Variants in GABRG2 observed in about 807,000 individuals in gnomAD.
GABRG2 encodes the protein gamma-aminobutyric acid type A receptor subunit gamma2, also known as gamma-aminobutyric acid receptor subunit gamma-2.
In GABRG2, 16 loss-of-function variants were observed where a neutral mutation model predicts 56.4. The observed-to-expected ratio is 0.28, with a 90% CI of 0.19 to 0.43. The LOEUF (loss-of-function observed/expected upper bound fraction) is 0.43. Ranked by LOEUF, GABRG2 falls within the 20% of genes least tolerant of loss-of-function variation. The pLI is 1.00. For missense variants in GABRG2, 327 were observed against 582.7 expected, an observed-to-expected ratio of 0.56 and a Z score of 4.52; for synonymous variants, 208 against 205.5, an observed-to-expected ratio of 1.01 and a Z score of -0.10.
At chr5:162,135,352 C>G (rs1396596086) in intron 6 of GABRG2, among the ~76,000 whole-genome samples, 1 of 152,054 alleles carries the variant, frequency 6.6e-6, no homozygotes, top group Non-Finnish European at 1.5e-5. Flanking sequence ...ATCTTAAAAG[C>G]CAATGTTGAT....
intron 1 of GABRG2, among the ~76,000 whole-genome samples, chr5:162,090,027 T>A (rs550721795): frequency 1.3e-5 from 2 of 152,194 alleles, no homozygotes; most frequent in Non-Finnish European, 2.9e-5. Context: ...ATGCAGTATT[T>A]GTTGTGTTTT....
intron 6 of GABRG2, among the ~76,000 whole-genome samples, chr5:162,114,298 T>C (rs975835262): frequency 1.3e-5 from 2 of 152,130 alleles, no homozygotes; most frequent in Non-Finnish European, 1.5e-5. Context: ...AGTTACTGTT[T>C]TCATATTTTG....
At chr5:162,130,822 A>T (rs973246169) in intron 6 of GABRG2, among the ~76,000 whole-genome samples, 13 of 151,948 alleles carry the variant, frequency 8.6e-5, no homozygotes, top group Non-Finnish European at 2.9e-5. Flanking sequence ...CTCAAGAGAG[A>T]TGTGGATGTG....
At chr5:162,111,525 G>A (rs1762253332) in intron 6 of GABRG2, among the ~76,000 whole-genome samples, 1 of 152,118 alleles carries the variant, frequency 6.6e-6, no homozygotes, top group African/African-American at 2.4e-5. Flanking sequence ...GCGAGAACTA[G>A]TTGCATATTC....
intron 6 of GABRG2, among the ~76,000 whole-genome samples, chr5:162,111,998 A>G (rs553773161): frequency 7.2e-5 from 11 of 152,284 alleles, no homozygotes; most frequent in African/African-American, 2.4e-4. Context: ...TTTTCATAAA[A>G]GTTATTTACT....
chr5:162,120,295 T>A (rs1217537022), intron 6 of GABRG2, among the ~76,000 whole-genome samples: 1 of 152,170 alleles, frequency 6.6e-6, no homozygotes. Context: ...AGTCATTTGA[T>A]GTTGTGTCCA....
intron 3 of GABRG2, among the ~76,000 whole-genome samples, chr5:162,095,818 G>A (rs767940430): frequency 6.4e-4 from 97 of 151,964 alleles, no homozygotes; most frequent in Non-Finnish European, 1.3e-3. Flanking sequence ...TCAACAATCG[G>A]TGTTTACTTG....
chr5:162,135,520 A>G (rs1403053245), intron 6 of GABRG2, among the ~76,000 whole-genome samples: 1 of 152,162 alleles, frequency 6.6e-6, no homozygotes, highest in East Asian at 1.9e-4. Context: ...AGTGAGCAAA[A>G]TAGCTAGAGC....
At chr5:162,103,069 T>G in intron 5 of GABRG2, 1 of 154,232 alleles carries the variant, frequency 6.5e-6, no homozygotes, top group Non-Finnish European at 1.4e-5. Flanking sequence ...ATTCTGCAGT[T>G]GACTTCATAA....
intron 4 of GABRG2, chr5:162,099,887 A>G (rs570232501): frequency 2.0e-5 from 3 of 152,214 alleles, no homozygotes; most frequent in Non-Finnish European, 2.9e-5. Flanking sequence ...AGACATTTAG[A>G]TCTGTATCTA....
chr5:162,153,979 G>A lies in GABRG2; in HGVS notation c.*611G>A, dbSNP rs1765552987. The stretch of plus-strand genomic sequence containing the variant: ...TCTTTAGATCCAAAATAAATGGACT[G>A]AAGTTATCATCCTATTGTCTTTTAT... On this transcript the variant is annotated 3_prime_UTR_variant, in exon 10 of 10. Coordinates refer to ENST00000639213, the MANE Select transcript of GABRG2 (RefSeq NM_198904.4). 6.5e-6 allele frequency: 1 copy of A among 153,956 alleles called. No homozygotes were observed. Among genetic ancestry groups the A allele is most frequent in the Non-Finnish European group, 1.4e-5 (1 of 69,028 alleles). The allele number at this position is 153,956 out of a possible 1,614,324, so 9.5% of individuals were successfully genotyped here.
chr5:162,121,763 A>T (rs1219578984), intron 6 of GABRG2, among the ~76,000 whole-genome samples: 1 of 152,034 alleles, frequency 6.6e-6, no homozygotes, highest in East Asian at 1.9e-4. Flanking sequence ...TAGAAGAAAG[A>T]TCATGAAGTG....
intron 6 of GABRG2, among the ~76,000 whole-genome samples, chr5:162,126,856 G>A (rs1427454212): frequency 6.6e-6 from 1 of 151,932 alleles, no homozygotes; most frequent in African/African-American, 2.4e-5. Context: ...TTTGCAATCT[G>A]GAACTCTCTT....
chr5:162,139,759 C>G (rs189340985), intron 6 of GABRG2, among the ~76,000 whole-genome samples: 1 of 152,076 alleles, frequency 6.6e-6, no homozygotes, highest in Non-Finnish European at 1.5e-5. Flanking sequence ...CATGATAATT[C>G]GTAATTTTTT....
upstream of GABRG2, chr5:162,067,728 T>A: frequency 1.6e-6 from 1 of 608,754 alleles, no homozygotes; most frequent in Non-Finnish European, 2.9e-6. Context: ...CCTTGTACCC[T>A]CCCCCTGCCT....
At chr5:162,094,149 G>C (rs754553969) in intron 2 of GABRG2, 170 bp downstream of exon 2, 2 of 654,600 alleles carry the variant, frequency 3.1e-6, no homozygotes, top group Admixed American at 2.8e-5. Context: ...TGGGAGAGGT[G>C]TCAATACATT....
At position 162,135,778 on chromosome 5, in the gene GABRG2, C is replaced by T. The variant is rs116657280; in HGVS notation, c.770-6386C>T. On this transcript the variant is annotated intron_variant, in intron 6 of 9. Coordinates refer to ENST00000639213, the MANE Select transcript of GABRG2 (RefSeq NM_198904.4). The stretch of plus-strand genomic sequence containing the variant: ...AGAGGAGGCAGCAGGTGAAAGAACC[C>T]TGTGGGAAGAGGAAGCAGGGTGAGG... 7.8e-4 allele frequency among the ~76,000 whole-genome samples: 119 copies of T among 152,146 alleles called. 1 individual carries two copies. Among genetic ancestry groups the T allele is most frequent in the African/African-American group, 2.6e-3 (108 of 41,506 alleles).
chr5:162,102,296 T>A (rs769488998), intron 5 of GABRG2: 6 of 253,804 alleles, frequency 2.4e-5, no homozygotes, highest in Non-Finnish European at 4.8e-5. Flanking sequence ...AGTTAAAGCT[T>A]CCCTGTGCTT....
intron 6 of GABRG2, among the ~76,000 whole-genome samples, chr5:162,129,527 C>T (rs1405549286): frequency 6.6e-6 from 1 of 151,684 alleles, no homozygotes; most frequent in East Asian, 1.9e-4. Flanking sequence ...GTTAAGCACC[C>T]GGTCTGAGTC....
Sources: allele counts gnomAD v4.1 joint callset (sites outside exome capture counted in the v4.1 genomes callset), GRCh38; gene constraint gnomAD v4.1.1; transcripts MANE v1.5; gene names NCBI Gene and HGNC (gene_info 2026-07-23, HGNC 2026-07-21).